DTNBP1: variants seen among roughly 807,000 people sequenced by gnomAD.
The protein encoded by DTNBP1 is dystrobrevin binding protein 1.
Under a neutral mutation model 42.8 loss-of-function variants are expected in DTNBP1, and 35 were observed. That is an observed-to-expected ratio of 0.82 (90% CI 0.63 to 1.09). The LOEUF (loss-of-function observed/expected upper bound fraction) is 1.09, where lower values mean the gene tolerates loss of function less well. Ranked by LOEUF, DTNBP1 falls within the 50% of genes least tolerant of loss-of-function variation. The pLI is 0.00. For missense variants in DTNBP1, 457 were observed against 424.2 expected (o/e 1.08, Z -0.68); for synonymous variants, 171 against 162.2 (o/e 1.05, Z -0.41).
At chr6:15,559,856 A>G (rs1316884464) in intron 7 of DTNBP1, among the ~76,000 whole-genome samples, 1 of 152,222 alleles carries the variant, frequency 6.6e-6, no homozygotes, top group East Asian at 1.9e-4. Flanking sequence ...GCATCTTGAC[A>G]ACTTTTTTGC....
chr6:15,553,321 T>C (rs1386036919), intron 7 of DTNBP1, among the ~76,000 whole-genome samples: 1 of 151,798 alleles, frequency 6.6e-6, no homozygotes, highest in Non-Finnish European at 1.5e-5. Flanking sequence ...AAAAAGGTCC[T>C]GGATGAAAAT....
intron 6 of DTNBP1, among the ~76,000 whole-genome samples, chr6:15,601,681 T>TA (rs553025129): frequency 0.16 from 22,015 of 140,808 alleles, 1,790 homozygotes; most frequent in African/African-American, 0.24. Context: ...CCGTCTCTAC[T>TA]AAAAAAAAAA....
At chr6:15,661,710 T>C (rs1391543637) in intron 1 of DTNBP1, among the ~76,000 whole-genome samples, 2 of 152,180 alleles carry the variant, frequency 1.3e-5, no homozygotes, top group Admixed American at 1.3e-4. Flanking sequence ...TCACATTCAG[T>C]GCATCCTCCA....
chr6:15,540,754 G>T (rs1001079953), intron 7 of DTNBP1, among the ~76,000 whole-genome samples: 11 of 152,176 alleles, frequency 7.2e-5, no homozygotes, highest in African/African-American at 2.6e-4. Flanking sequence ...CCATTCTCCT[G>T]CCTCAGCCTC....
chr6:15,541,294 A>T (rs1214430886), intron 7 of DTNBP1, among the ~76,000 whole-genome samples: 1 of 152,214 alleles, frequency 6.6e-6, no homozygotes, highest in Non-Finnish European at 1.5e-5. Flanking sequence ...GCATCAAGAA[A>T]ACAACCAAAT....
chr6:15,533,457 A>C (rs1297526369), intron 7 of DTNBP1, 62 bp from the exon 8 acceptor site: 1 of 1,613,176 alleles, frequency 6.2e-7, no homozygotes, highest in Non-Finnish European at 8.5e-7. Context: ...AAATGGGTAT[A>C]AACAGCTGCT....
chr6:15,652,464 G>A (rs1761057467), intron 1 of DTNBP1, among the ~76,000 whole-genome samples: 1 of 151,564 alleles, frequency 6.6e-6, no homozygotes, highest in South Asian at 2.1e-4. Flanking sequence ...TTACAGGCAT[G>A]AGCCACCCCA....
intron 7 of DTNBP1, among the ~76,000 whole-genome samples, chr6:15,581,865 AAGGGGGACAC>A (rs1775856227): frequency 6.6e-6 from 1 of 152,184 alleles, no homozygotes; most frequent in Non-Finnish European, 1.5e-5. Flanking sequence ...TTTCCTGTCC[AAGGGGGACAC>A]AGTGTGCAGA....
At chr6:15,593,744 T>C (rs988331530) in intron 6 of DTNBP1, among the ~76,000 whole-genome samples, 9 of 152,238 alleles carry the variant, frequency 5.9e-5, no homozygotes, top group Non-Finnish European at 1.3e-4. Flanking sequence ...GCAAGTTGTT[T>C]TGAGGCTTTC....
At chr6:15,559,935 A>C (rs1174883265) in intron 7 of DTNBP1, among the ~76,000 whole-genome samples, 1 of 152,220 alleles carries the variant, frequency 6.6e-6, no homozygotes, top group Non-Finnish European at 1.5e-5. Flanking sequence ...ATCCCAAAGC[A>C]TGGATTTTTA....
chr6:15,531,897 G>T (rs1772857132), intron 8 of DTNBP1, among the ~76,000 whole-genome samples: 1 of 152,266 alleles, frequency 6.6e-6, no homozygotes, highest in South Asian at 2.1e-4. Flanking sequence ...CTCCCAAAGT[G>T]CTGGGATTAT....
intron 1 of DTNBP1, chr6:15,660,393 T>A (rs1761535703): frequency 1.6e-6 from 2 of 1,289,690 alleles, no homozygotes; most frequent in African/African-American, 3.0e-5. Flanking sequence ...CTGAAGAAAG[T>A]GAACATCAGG....
chr6:15,581,727 C>G (rs577803211), intron 7 of DTNBP1, among the ~76,000 whole-genome samples: 2 of 152,292 alleles, frequency 1.3e-5, no homozygotes, highest in South Asian at 4.2e-4. Flanking sequence ...ATCCACCTGC[C>G]TTGGCCCCCC....
intron 7 of DTNBP1, among the ~76,000 whole-genome samples, chr6:15,544,648 T>A (rs1773771564): frequency 6.6e-6 from 1 of 152,230 alleles, no homozygotes; most frequent in Non-Finnish European, 1.5e-5. Flanking sequence ...CCTACCTGAT[T>A]CTAACAGGAG....
chr6:15,523,191 C>A lies in DTNBP1; in HGVS notation c.840G>T (p.Glu280Asp), dbSNP rs780343075. The change falls in exon 10 of 10, where the codon GAG (glutamate) becomes GAT (aspartate). Residue 280 changes from glutamate (E) to aspartate (D), a missense_variant. By Grantham distance (45) the Glu-to-Asp change is conservative (BLOSUM62 2). Transcript: ENST00000344537. The part of the protein sequence containing the change: ...LGPESSTCQN[E>D]ITLQVPNPSE... ...AGGGATTTGGAACCTGGAGGGTAAT[C>A]TCATTCTGACAGGTACTGGATTCAG... is the stretch of plus-strand genomic sequence containing the variant. The A allele has an allele frequency of 3.4e-4, 554 of 1,614,082 alleles. No individual in the cohort carries two copies. The highest frequency in any genetic ancestry group is 4.4e-4 in the Non-Finnish European group (516 of 1,180,028).
chr6:15,607,308 C>CT (rs1019037901), intron 6 of DTNBP1, among the ~76,000 whole-genome samples: 1 of 150,022 alleles, frequency 6.7e-6, no homozygotes, highest in African/African-American at 2.5e-5. Context: ...CAAAATATTT[C>CT]TTTGTTTTTT....
chr6:15,547,283 C>T (rs1178607808), intron 7 of DTNBP1, among the ~76,000 whole-genome samples: 9 of 152,186 alleles, frequency 5.9e-5, no homozygotes, highest in African/African-American at 2.2e-4. Context: ...CATTTGGCAG[C>T]ATCAAAATCA....
intron 1 of DTNBP1, among the ~76,000 whole-genome samples, chr6:15,661,827 G>T (rs554429236): frequency 9.9e-5 from 15 of 152,202 alleles, no homozygotes; most frequent in Non-Finnish European, 1.8e-4. Flanking sequence ...ATACTGACAT[G>T]ATGCTTGCTT....
At chr6:15,609,811 G>A (rs929278829) in intron 6 of DTNBP1, among the ~76,000 whole-genome samples, 1 of 152,230 alleles carries the variant, frequency 6.6e-6, no homozygotes, top group Non-Finnish European at 1.5e-5. Flanking sequence ...TATGCAGAGT[G>A]TGGGCTCAGC....
Sources: gnomAD v4.1 joint callset for allele counts (sites outside exome capture counted in the v4.1 genomes callset) on GRCh38, gnomAD v4.1.1 for gene constraint, MANE v1.5 for transcripts, NCBI Gene and HGNC (gene_info 2026-07-23, HGNC 2026-07-21) for gene names.